PHF3: variants seen among roughly 807,000 people sequenced by gnomAD.
The protein encoded by PHF3 is PHD finger protein 3.
In PHF3, 41 loss-of-function variants were observed where a neutral mutation model predicts 178.4. The observed-to-expected ratio is 0.23, with a 90% CI of 0.18 to 0.30. PHF3 has a LOEUF of 0.30. Among genes scored for constraint, PHF3 ranks in the 10% least tolerant of loss-of-function variants. The probability of loss-of-function intolerance (pLI) is 1.00; values close to 1 mark genes in which losing one functional copy is unlikely to be tolerated. For missense variants in PHF3, 2,346 were observed against 2,398.1 expected, an observed-to-expected ratio of 0.98 and a Z score of 0.45; for synonymous variants, 842 against 800.5, an observed-to-expected ratio of 1.05 and a Z score of -0.88.
rs1768194123 is a variant in PHF3 at position 63,716,497 on chromosome 6, A to G, written c.*2789A>G. 6.6e-6 allele frequency among the ~76,000 whole-genome samples: 1 copy of G among 152,118 alleles called. No homozygotes were observed. The highest frequency in any genetic ancestry group is 1.5e-5 in the Non-Finnish European group (1 of 68,014). ...AAATTTATATTAATCACAAATCCTA[A>G]TTCTCTATTCCTGTTTTCTATTGCT... On this transcript the variant is annotated 3_prime_UTR_variant, in exon 16 of 16. Coordinates refer to ENST00000262043, the MANE Select transcript of PHF3 (RefSeq NM_001370348.2).
rs1274263116 is a variant in PHF3, at chr6:63,724,629, A to G, written c.*10921A>G. Among the ~76,000 whole-genome samples the G allele has an allele frequency of 6.6e-6, 1 of 152,134 alleles. No individual in the cohort carries two copies. The highest frequency in any genetic ancestry group is 1.5e-5 in the Non-Finnish European group (1 of 67,998). On this transcript the variant is annotated 3_prime_UTR_variant, in exon 16 of 16. Coordinates refer to ENST00000262043, the MANE Select transcript of PHF3 (RefSeq NM_001370348.2). ...TAGCAGAAATAGATGAAAAGGGACC[A>G]GAGTCTTATTTCTTTAAAATATCTT...
At chr6:63,700,280 A>G (rs1334171661) in intron 8 of PHF3, 70 bp from the exon 9 acceptor site, 12 of 628,604 alleles carry the variant, frequency 1.9e-5, no homozygotes. Context: ...TATCTTTATT[A>G]TAAATTTCTG....
chr6:63,711,507 A>G, intron 15 of PHF3, 79 bp from the exon 16 acceptor site: 1 of 1,399,432 alleles, frequency 7.1e-7, no homozygotes, highest in Non-Finnish European at 9.7e-7. Context: ...ATATCCTGTA[A>G]TAAGTTAGAG....
In PHF3 at chr6:63,713,675, G is replaced by T; in HGVS notation, c.6087G>T (p.Arg2029Ser). The T allele has an allele frequency of 6.3e-7, 1 of 1,578,570 alleles. No individual in the cohort carries two copies. The highest frequency in any genetic ancestry group is 2.2e-5 in the East Asian group (1 of 44,558). The change falls in exon 16 of 16, where the codon AGG becomes AGT. Residue 2029 changes from arginine (R) to serine (S), a missense_variant. By Grantham distance (110) the Arg-to-Ser change is moderately radical. This residue lies in a region of PHF3 where 839 missense variants were observed against 806.9 expected (regional missense o/e 1.04). Coordinates refer to ENST00000262043, the MANE Select transcript of PHF3 (RefSeq NM_001370348.2). The stretch of plus-strand genomic sequence containing the variant: ...ACAGGGATAGGTACCACAAAGATAG[G>T]GACCACACTGACAGAACTAAAAGCA... Reference protein sequence around the residue: ...EKDRDRYHKDRDHTDRTKSKR With the variant: ...EKDRDRYHKDSDHTDRTKSKR
rs1023155028 is a variant in PHF3, at chr6:63,714,178, C to T, written c.*470C>T. On this transcript the variant is annotated 3_prime_UTR_variant, in exon 16 of 16. Coordinates refer to ENST00000262043, the MANE Select transcript of PHF3 (RefSeq NM_001370348.2). Reference sequence around the variant, plus strand: ...ACAAAAATCCAAGCAACTTCATAATCAGATTATGCTAATCATTTAGTTGAG... The same window carrying T: ...ACAAAAATCCAAGCAACTTCATAATTAGATTATGCTAATCATTTAGTTGAG... 1.3e-5 allele frequency: 2 copies of T among 153,552 alleles called. No homozygotes were observed. The highest frequency in any genetic ancestry group is 4.8e-5 in the African/African-American group (2 of 41,444). The allele number at this position is 153,552 out of a possible 1,614,324, so 9.5% of individuals were successfully genotyped here.
chr6:63,658,102 C>T (rs1031787034), intron 2 of PHF3, among the ~76,000 whole-genome samples: 5 of 151,360 alleles, frequency 3.3e-5, no homozygotes, highest in African/African-American at 7.3e-5. Context: ...TGAGGTTGAC[C>T]TCTCAGTATT....
chr6:63,677,489 A>G (rs1766220923), intron 2 of PHF3, among the ~76,000 whole-genome samples: 1 of 152,188 alleles, frequency 6.6e-6, no homozygotes, highest in African/African-American at 2.4e-5. Context: ...AGGAAATGGA[A>G]TAATTTAAAA....
At chr6:63,682,392 C>T (rs997080887) in intron 3 of PHF3, among the ~76,000 whole-genome samples, 2 of 152,028 alleles carry the variant, frequency 1.3e-5, no homozygotes, top group Non-Finnish European at 2.9e-5. Flanking sequence ...ACTTTTGGGT[C>T]TCTTATGTCA....
intron 8 of PHF3, among the ~76,000 whole-genome samples, chr6:63,699,378 A>G (rs879006184): frequency 6.6e-6 from 1 of 152,140 alleles, no homozygotes; most frequent in Non-Finnish European, 1.5e-5. Context: ...ATTAGATGCA[A>G]CCTTTTTGCA....
chr6:63,690,569 T>C (rs1766952701), intron 4 of PHF3, among the ~76,000 whole-genome samples: 1 of 152,150 alleles, frequency 6.6e-6, no homozygotes, highest in South Asian at 2.1e-4. Context: ...CAATATCCTC[T>C]CTCTTGGATT....
Position 63,715,412 on chromosome 6 carries a change from G to A in PHF3, c.*1704G>A, listed in dbSNP as rs1015718217. On this transcript the variant is annotated 3_prime_UTR_variant, in exon 16 of 16. Coordinates refer to ENST00000262043, the MANE Select transcript of PHF3 (RefSeq NM_001370348.2). ...ACCATTACAAAGAAATTGCTGTCAGGGTTTTACACATTTTAAAAACATTTC... is the reference window on the plus strand; with the variant it reads ...ACCATTACAAAGAAATTGCTGTCAGAGTTTTACACATTTTAAAAACATTTC... The A allele has an allele frequency of 5.3e-5, 8 of 151,972 alleles. No homozygotes were observed. Among genetic ancestry groups the A allele is most frequent in the African/African-American group, 1.9e-4 (8 of 41,382 alleles). 9.4% of individuals were successfully genotyped at this position (151,972 alleles called of 1,614,324 possible).
At chr6:63,674,720 T>C (rs1471404253) in intron 2 of PHF3, among the ~76,000 whole-genome samples, 1 of 152,192 alleles carries the variant, frequency 6.6e-6, no homozygotes, top group Non-Finnish European at 1.5e-5. Context: ...ATCTATTCTT[T>C]ATTGTTGTGA....
At chr6:63,664,069 T>C (rs1431256947) in intron 2 of PHF3, among the ~76,000 whole-genome samples, 4 of 152,166 alleles carry the variant, frequency 2.6e-5, no homozygotes, top group Non-Finnish European at 5.9e-5. Context: ...GGAATTCCAG[T>C]AAATGAGGGA....
At chr6:63,671,250 T>C (rs1167975145) in intron 2 of PHF3, among the ~76,000 whole-genome samples, 1 of 152,212 alleles carries the variant, frequency 6.6e-6, no homozygotes, top group Non-Finnish European at 1.5e-5. Flanking sequence ...TACTGTTTGT[T>C]TAACAAATAT....
Position 63,698,472 on chromosome 6 carries a change from T to C in PHF3, c.2849T>C (p.Val950Ala), listed in dbSNP as rs911567703. 1.2e-6 allele frequency: 2 copies of C among 1,600,166 alleles called. No homozygotes were observed. Among genetic ancestry groups the C allele is most frequent in the Non-Finnish European group, 1.7e-6 (2 of 1,175,296 alleles). Residue 950 changes from valine (V) to alanine (A), a missense_variant, in exon 8 of 16, where the codon GTA becomes GCA. By Grantham distance (64) the Val-to-Ala change is moderately conservative. Transcript: ENST00000262043. The stretch of plus-strand genomic sequence containing the variant: ...AGACTTACAGACTCAAATTTGAAGG[T>C]ACCAGAGGAAAAGGCAGCAAAAGTT... ...MKRLTDSNLK[V>A]PEEKAAKVAT... is the part of the protein sequence containing the mutation.
At position 63,691,946 on chromosome 6, in the gene PHF3, T is replaced by G; in HGVS notation, c.2399T>G (p.Met800Arg). Residue 800 changes from methionine to arginine, a missense_variant, in exon 5 of 16, where the codon ATG (methionine) becomes AGG (arginine). Physicochemically the swap from Met to Arg is moderately conservative, Grantham distance 91. This residue lies in a region of PHF3 where 252 missense variants were observed against 232.0 expected (regional missense o/e 1.09). Coordinates refer to ENST00000262043, the MANE Select transcript of PHF3 (RefSeq NM_001370348.2). ...TVEFHSGDKTMECEKLGLSKH... is the reference protein window; with the variant it reads ...TVEFHSGDKTRECEKLGLSKH... ...GAATTCCATAGTGGAGATAAAACAA[T>G]GGAGTGTGAAAAGCTTGGATTATCA... The G allele has an allele frequency of 6.2e-7, 1 of 1,613,152 alleles. No individual in the cohort carries two copies. The highest frequency in any genetic ancestry group is 8.5e-7 in the Non-Finnish European group (1 of 1,179,662).
At position 63,694,719 on chromosome 6, in the gene PHF3, G is replaced by A. The variant is rs766349838; in HGVS notation, c.2635G>A (p.Glu879Lys). 19 of 1,598,124 alleles carry A rather than the reference G, an allele frequency of 1.2e-5. No homozygotes were observed. Among genetic ancestry groups the A allele is most frequent in the Admixed American group, 3.4e-5 (2 of 58,106 alleles). ...SEEKSEKIPK[E>K]STTVTCTGEK... ...AGAAAAAAGTGAAAAAATACCGAAAGAGTCTACAACTGTTACTTGCACAGG... is the reference window on the plus strand; with the variant it reads ...AGAAAAAAGTGAAAAAATACCGAAAAAGTCTACAACTGTTACTTGCACAGG... Residue 879 changes from glutamate (E) to lysine (K), a missense_variant, in exon 6 of 16, where the codon GAG becomes AAG. Glu to Lys is a moderately conservative substitution (Grantham distance 56). Transcript: ENST00000262043.
intron 2 of PHF3, among the ~76,000 whole-genome samples, chr6:63,665,898 A>G (rs1162969535): frequency 6.6e-6 from 1 of 152,194 alleles, no homozygotes; most frequent in African/African-American, 2.4e-5. Flanking sequence ...AAGGCAAACA[A>G]AAGGGTGTCA....
At position 63,646,403 on chromosome 6, in the gene PHF3, T is replaced by A. The variant is rs1175591621; in HGVS notation, c.-25-124T>A. On this transcript the variant is annotated intron_variant, in intron 1 of 15. Coordinates refer to ENST00000262043, the MANE Select transcript of PHF3 (RefSeq NM_001370348.2). ...TAAAAACAAGTGAGGATTTTTTTTT[T>A]AAACAACAATTCAGAAATACCTTAA... 7.1e-6 allele frequency: 4 copies of A among 564,658 alleles called. No homozygotes were observed. The Admixed American group carries it at 1.2e-4, about 16-fold the overall frequency. 35.0% of individuals were successfully genotyped at this position (564,658 alleles called of 1,614,324 possible). A position where few individuals can be genotyped will look rare whatever the true frequency, so the allele number is the denominator to read the frequency against.
Sources: allele counts gnomAD v4.1 joint callset (sites outside exome capture counted in the v4.1 genomes callset), GRCh38; gene constraint gnomAD v4.1.1; regional missense constraint gnomAD v4.1.1; transcripts MANE v1.5; gene names NCBI Gene and HGNC (gene_info 2026-07-23, HGNC 2026-07-21).